Variants in GINS2 observed in about 807,000 individuals in gnomAD.
GINS2 encodes DNA replication complex GINS protein PSF2.
GINS2 carries 23 observed loss-of-function variants against 21.2 expected under a neutral mutation model. The ratio of observed to expected loss-of-function variants is 1.08; its 90% confidence interval spans 0.78 to 1.53. The LOEUF (loss-of-function observed/expected upper bound fraction) is 1.53. Among genes scored for constraint, GINS2 ranks in the 40% most tolerant of loss-of-function variants. GINS2 has a pLI of 0.00. For missense variants in GINS2, 323 were observed against 233.9 expected (o/e 1.38, Z -2.49); for synonymous variants, 118 against 85.6 (o/e 1.38, Z -2.09).
At chr16:85,688,547 A>AAAACCAAAAAAC (rs1283054438) in intron 1 of GINS2, among the ~76,000 whole-genome samples, 2 of 152,346 alleles carry the variant, frequency 1.3e-5, no homozygotes, top group East Asian at 3.9e-4. Context: ...CTCCACCTCA[A>AAAACCAAAAAAC]AAACCAAAAA....
rs1366449701 is a variant in GINS2, at chr16:85,676,475, TG to T, written c.*1736del. ...CTTAAATTATGGAGACCTCATCTTT[TG>T]GTCCCAGTCTTCCAGGTCTGACCCT... On this transcript the variant is annotated 3_prime_UTR_variant, in exon 5 of 5. Coordinates refer to ENST00000253462, the MANE Select transcript of GINS2 (RefSeq NM_016095.3). The T allele has an allele frequency of 2.6e-5, 4 of 152,242 alleles. No individual in the cohort carries two copies. Among genetic ancestry groups the T allele is most frequent in the Admixed American group, 2.0e-4 (3 of 15,288 alleles). The allele number at this position is 152,242 out of a possible 1,614,324, so 9.4% of individuals were successfully genotyped here.
Position 85,676,976 on chromosome 16 carries a change from T to A in GINS2, c.*1236A>T, listed in dbSNP as rs998162461. ...GCCTCTCGGGTTCAAGCGATTCTCC[T>A]GCCTCAGCCTCCCGAGTAGCTGCGA... On this transcript the variant is annotated 3_prime_UTR_variant, in exon 5 of 5. Transcript: ENST00000253462. 9 of 152,294 alleles carry A rather than the reference T, an allele frequency of 5.9e-5. No homozygotes were observed. The highest frequency in any genetic ancestry group is 2.2e-4 in the African/African-American group (9 of 41,464). The allele number at this position is 152,294 out of a possible 1,614,324, so 9.4% of individuals were successfully genotyped here.
In GINS2 at chr16:85,685,670, C is replaced by CAAAAAAAAAAAAAAAAAAAAA. The variant is rs752631926; in HGVS notation, c.205+1769_205+1789dup. On this transcript the variant is annotated intron_variant, in intron 2 of 4. Transcript: ENST00000253462. ...TGGGTGACAGAGCAAGACCCTTTCT[C>CAAAAAAAAAAAAAAAAAAAAA]AAAAAAAAAAAAAAAAAAAAACCGT... Among the ~76,000 whole-genome samples, 33 of 55,288 alleles carry CAAAAAAAAAAAAAAAAAAAAA rather than the reference C, an allele frequency of 6.0e-4. 1 individual carries two copies. Among genetic ancestry groups the CAAAAAAAAAAAAAAAAAAAAA allele is most frequent in the African/African-American group, 1.7e-3 (28 of 16,420 alleles). 36.3% of individuals were successfully genotyped at this position (55,288 alleles called of 152,430 possible).
intron 3 of GINS2, among the ~76,000 whole-genome samples, chr16:85,681,367 G>A (rs2053730733): frequency 1.3e-5 from 2 of 152,238 alleles, no homozygotes; most frequent in South Asian, 2.1e-4. Context: ...GAAAGGCAAA[G>A]AACAGACAGA....
intron 2 of GINS2, among the ~76,000 whole-genome samples, chr16:85,684,264 G>A (rs1224223307): frequency 2.0e-5 from 3 of 152,034 alleles, no homozygotes; most frequent in East Asian, 3.9e-4. Context: ...AGCCCAGGAG[G>A]TGGAGGTTGC....
chr16:85,682,738 G>A (rs2053744771), intron 2 of GINS2, among the ~76,000 whole-genome samples: 1 of 152,128 alleles, frequency 6.6e-6, no homozygotes, highest in African/African-American at 2.4e-5. Flanking sequence ...ACATGCTCCA[G>A]CTCCCTCAGC....
chr16:85,688,377 C>A (rs948804861), intron 1 of GINS2, among the ~76,000 whole-genome samples: 1 of 152,056 alleles, frequency 6.6e-6, no homozygotes, highest in Non-Finnish European at 1.5e-5. Flanking sequence ...GAAACCACAT[C>A]TCTACCAAAA....
intron 2 of GINS2, among the ~76,000 whole-genome samples, chr16:85,684,620 G>A (rs11861678): frequency 0.039 from 5,963 of 151,888 alleles, 329 homozygotes; most frequent in East Asian, 0.17. Flanking sequence ...GCCAGGTGGT[G>A]TGAATATGAG....
At chr16:85,684,074 C>T (rs1466146510) in intron 2 of GINS2, among the ~76,000 whole-genome samples, 1 of 152,166 alleles carries the variant, frequency 6.6e-6, no homozygotes, top group Non-Finnish European at 1.5e-5. Context: ...CAAAAATGAG[C>T]CAGGCACAGT....
In GINS2 at chr16:85,681,536, C is replaced by T. The variant is rs767398660; in HGVS notation, c.305+46G>A. On this transcript the variant is annotated intron_variant, in intron 3 of 4. Transcript: ENST00000253462. ...GACGAGGGTTAGGGGAAGGGCATGG[C>T]GAGTCCAGTCTTGGGTGTGGCCTCT... The T allele has an allele frequency of 5.6e-5, 62 of 1,106,080 alleles. 1 individual carries two copies. In the Admixed American group the frequency reaches 1.0e-3, roughly 18 times the overall value. 68.5% of individuals were successfully genotyped at this position (1,106,080 alleles called of 1,614,324 possible).
chr16:85,682,629 C>G (rs532486870), intron 2 of GINS2, among the ~76,000 whole-genome samples: 1 of 152,088 alleles, frequency 6.6e-6, no homozygotes, highest in Non-Finnish European at 1.5e-5. Flanking sequence ...GCTAAGCCAC[C>G]CCAGCCGGGA....
Position 85,676,634 on chromosome 16 carries a change from C to A in GINS2, c.*1578G>T, listed in dbSNP as rs1027671587. 1 of 152,276 alleles carries A rather than the reference C, an allele frequency of 6.6e-6. No individual in the cohort carries two copies. The highest frequency in any genetic ancestry group is 1.5e-5 in the Non-Finnish European group (1 of 68,088). 9.4% of individuals were successfully genotyped at this position (152,276 alleles called of 1,614,324 possible). ...AAGTCTTTAGGCTCAGCCTGTCACACATGCGCATTCTCAGAGCTCCCCAGA... is the reference window on the plus strand; with the variant it reads ...AAGTCTTTAGGCTCAGCCTGTCACAAATGCGCATTCTCAGAGCTCCCCAGA... On this transcript the variant is annotated 3_prime_UTR_variant, in exon 5 of 5. Transcript: ENST00000253462.
chr16:85,681,759 C>T, intron 2 of GINS2, 78 bp from the exon 3 acceptor site: 1 of 836,218 alleles, frequency 1.2e-6, no homozygotes, highest in Non-Finnish European at 1.9e-6. Flanking sequence ...TACCAAGTGC[C>T]TATATTATCT....
intron 2 of GINS2, among the ~76,000 whole-genome samples, chr16:85,684,938 AC>A (rs2053762475): frequency 6.6e-6 from 1 of 151,792 alleles, no homozygotes; most frequent in Admixed American, 6.6e-5. Context: ...ACAGGCGCCC[AC>A]CAAACACCCA....
intron 2 of GINS2, among the ~76,000 whole-genome samples, chr16:85,681,935 TAG>T (rs2053736687): frequency 6.6e-6 from 1 of 152,066 alleles, no homozygotes; most frequent in Non-Finnish European, 1.5e-5. Context: ...AAAACAATGT[TAG>T]AGTCAAAAGT....
chr16:85,688,930 G>A lies in GINS2; in HGVS notation c.-32C>T. On this transcript the variant is annotated 5_prime_UTR_variant, in exon 1 of 5. Transcript: ENST00000253462. ...GCGAGCTGCAGGCCAGAGCCTCACG[G>A]TCTCCTCGGGCCCCTCAGCGTCCCG... 1.4e-6 allele frequency: 2 copies of A among 1,464,884 alleles called. No homozygotes were observed. Among genetic ancestry groups the A allele is most frequent in the East Asian group, 2.6e-5 (1 of 38,880 alleles). The allele number at this position is 1,464,884 out of a possible 1,614,324, so 90.7% of individuals were successfully genotyped here.
chr16:85,684,287 TCACGC>T (rs2053757594), intron 2 of GINS2, among the ~76,000 whole-genome samples: 1 of 152,018 alleles, frequency 6.6e-6, no homozygotes, highest in Non-Finnish European at 1.5e-5. Context: ...TGAGCCATGA[TCACGC>T]CACTGCACTC....
chr16:85,677,602 G>A lies in GINS2; in HGVS notation c.*610C>T, dbSNP rs772368799. On this transcript the variant is annotated 3_prime_UTR_variant, in exon 5 of 5. Coordinates refer to ENST00000253462, the MANE Select transcript of GINS2 (RefSeq NM_016095.3). Reference sequence around the variant, plus strand: ...GCCGTGTGCCTCAGTTTCGTTGACTGAGTCATCTCAGCCACAGGCTCAGTC... The same window carrying A: ...GCCGTGTGCCTCAGTTTCGTTGACTAAGTCATCTCAGCCACAGGCTCAGTC... The A allele has an allele frequency of 2.0e-5, 3 of 152,270 alleles. No homozygotes were observed. The highest frequency in any genetic ancestry group is 2.9e-5 in the Non-Finnish European group (2 of 68,088). The allele number at this position is 152,270 out of a possible 1,614,324, so 9.4% of individuals were successfully genotyped here. A position where few individuals can be genotyped will look rare whatever the true frequency, so the allele number is the denominator to read the frequency against.
At chr16:85,685,037 T>C (rs531908835) in intron 2 of GINS2, among the ~76,000 whole-genome samples, 1 of 151,970 alleles carries the variant, frequency 6.6e-6, no homozygotes, top group East Asian at 1.9e-4. Flanking sequence ...GATCCACCCA[T>C]CTCGGCCTCC....
Sources: allele counts gnomAD v4.1 joint callset (sites outside exome capture counted in the v4.1 genomes callset), GRCh38; gene constraint gnomAD v4.1.1; transcripts MANE v1.5; gene names NCBI Gene and HGNC (gene_info 2026-07-23, HGNC 2026-07-21).